EPHA8: variants seen among roughly 807,000 people sequenced by gnomAD.
EPHA8 encodes ephrin type-A receptor 8.
A neutral mutation model predicts 103.6 loss-of-function variants in EPHA8; 58 were observed. The observed-to-expected ratio is 0.56, with a 90% CI of 0.45 to 0.70. The LOEUF (loss-of-function observed/expected upper bound fraction) is 0.70. EPHA8 is among the 30% of genes least tolerant of loss of function. The pLI, the probability that EPHA8 is intolerant of heterozygous loss-of-function variation, is 0.00. For synonymous variants in EPHA8, 559 were observed against 572.5 expected, an observed-to-expected ratio of 0.98 and a Z score of 0.34; for missense variants, 1,304 against 1,395.2, an observed-to-expected ratio of 0.93 and a Z score of 1.04.
intron 1 of EPHA8, among the ~76,000 whole-genome samples, chr1:22,566,829 ACT>A (rs1284494257): frequency 6.6e-6 from 1 of 151,642 alleles, no homozygotes; most frequent in Non-Finnish European, 1.5e-5. Flanking sequence ...TTCAAGGGAC[ACT>A]CTGCGTTCTC....
At chr1:22,577,970 T>TA in intron 3 of EPHA8, among the ~76,000 whole-genome samples, 2 of 100,846 alleles carry the variant, frequency 2.0e-5, no homozygotes, top group Non-Finnish European at 4.0e-5. Flanking sequence ...TGTGTGCATG[T>TA]GCGTATGTGT....
chr1:22,582,736 T>C (rs1308098738), intron 3 of EPHA8, among the ~76,000 whole-genome samples: 1 of 152,036 alleles, frequency 6.6e-6, no homozygotes, highest in Non-Finnish European at 1.5e-5. Flanking sequence ...AGACTGCACT[T>C]CCCAGCACCC....
At chr1:22,595,120 T>A in intron 7 of EPHA8, 110 bp from the exon 8 acceptor site, 1 of 825,028 alleles carries the variant, frequency 1.2e-6, no homozygotes, top group East Asian at 2.8e-5. Flanking sequence ...GGCTCTGGGC[T>A]CCCCACTGGC....
intron 3 of EPHA8, among the ~76,000 whole-genome samples, chr1:22,578,575 ATGTGTGCATGAATGCG>A (rs1353624330): frequency 9.4e-5 from 12 of 128,180 alleles, no homozygotes; most frequent in South Asian, 2.9e-4. Flanking sequence ...TAGTGTCTGC[ATGTGTGCATGAATGCG>A]TGTGTGCATG....
rs1641757360 is a variant in EPHA8, at chr1:22,602,143, G to A, written c.*402G>A. The A allele has an allele frequency of 1.1e-5, 3 of 282,548 alleles. No individual in the cohort carries two copies. Among genetic ancestry groups the A allele is most frequent in the South Asian group, 1.0e-4 (2 of 19,912 alleles). 17.5% of individuals were successfully genotyped at this position (282,548 alleles called of 1,614,324 possible). A position where few individuals can be genotyped will look rare whatever the true frequency, so the allele number is the denominator to read the frequency against. On this transcript the variant is annotated 3_prime_UTR_variant, in exon 17 of 17. Coordinates refer to ENST00000166244, the MANE Select transcript of EPHA8 (RefSeq NM_020526.5). ...AGTGTGTCCACCCCTTCGGGTCTCA[G>A]CATGGACGTGTGCATGTTATGAGCG...
chr1:22,578,551 G>C (rs1209947517), intron 3 of EPHA8, among the ~76,000 whole-genome samples: 1 of 147,338 alleles, frequency 6.8e-6, no homozygotes, highest in Non-Finnish European at 1.5e-5. Flanking sequence ...GTGTGCGTGA[G>C]TGTGCACATT....
chr1:22,587,546 A>G (rs1171972491), intron 4 of EPHA8, among the ~76,000 whole-genome samples: 1 of 152,144 alleles, frequency 6.6e-6, no homozygotes, highest in Non-Finnish European at 1.5e-5. Context: ...CTGCTGATGC[A>G]GCGCCTGGAT....
intron 3 of EPHA8, among the ~76,000 whole-genome samples, chr1:22,578,442 G>A (rs895102957): frequency 7.5e-6 from 1 of 134,210 alleles, no homozygotes; most frequent in Non-Finnish European, 1.5e-5. Context: ...GTACGTGTGT[G>A]CATGTGTGCG....
At position 22,588,937 on chromosome 1, in the gene EPHA8, C is replaced by T. The variant is rs184229539; in HGVS notation, c.1046C>T (p.Ala349Val). Residue 349 changes from alanine to valine, a missense_variant, in exon 5 of 17, where the codon GCC (alanine) becomes GTC (valine). Ala to Val is a moderately conservative substitution (Grantham distance 64). Transcript: ENST00000166244. Reference protein sequence around the residue: ...VNGTSVTLEWAPPLDPGGRSD... With the variant: ...VNGTSVTLEWVPPLDPGGRSD... ...GGGACATCAGTGACTCTGGAGTGGG[C>T]CCCTCCCCTGGACCCAGGTGGCCGC... is the stretch of plus-strand genomic sequence containing the variant. 16 of 1,611,274 alleles carry T rather than the reference C, an allele frequency of 9.9e-6. No individual in the cohort carries two copies. The Admixed American group carries it at 2.7e-4, about 27-fold the overall frequency.
chr1:22,577,838 G>C (rs554592317), intron 3 of EPHA8, among the ~76,000 whole-genome samples: 3 of 115,872 alleles, frequency 2.6e-5, no homozygotes, highest in Admixed American at 2.4e-4. Flanking sequence ...GTGCGTGTGT[G>C]CATGTATGTG....
In EPHA8 at chr1:22,598,049, A is replaced by T. The variant is rs558557538; in HGVS notation, c.2117-102A>T. 2.1e-6 allele frequency: 3 copies of T among 1,454,606 alleles called. No homozygotes were observed. The highest frequency in any genetic ancestry group is 2.9e-6 in the Non-Finnish European group (3 of 1,043,354). 90.1% of individuals were successfully genotyped at this position (1,454,606 alleles called of 1,614,324 possible). A position where few individuals can be genotyped will look rare whatever the true frequency, so the allele number is the denominator to read the frequency against. On this transcript the variant is annotated intron_variant, in intron 11 of 16. Coordinates refer to ENST00000166244, the MANE Select transcript of EPHA8 (RefSeq NM_020526.5). This position sits in a 1 kb window ranked among gnomAD's most constrained non-coding sequence, Gnocchi z 5.1. The stretch of plus-strand genomic sequence containing the variant: ...AAACCCAAGGCACCCTGGGGTTTCC[A>T]GTGCTGGCACAGGTCCTGAGATGGT...
chr1:22,589,211 G>A lies in EPHA8; in HGVS notation c.1315+5G>A. 1.2e-6 allele frequency: 2 copies of A among 1,613,938 alleles called. No individual in the cohort carries two copies. Among genetic ancestry groups the A allele is most frequent in the East Asian group, 2.2e-5 (1 of 44,884 alleles). ...ACATCACCACGAACCAGGCAGGTAG[G>A]CGGAGAAACTCCGTCCCGCAGCGTC... is the stretch of plus-strand genomic sequence containing the variant. On this transcript the variant is annotated splice_donor_5th_base_variant and intron_variant, in intron 5 of 16. Transcript: ENST00000166244. This position sits in a 1 kb window ranked among gnomAD's most constrained non-coding sequence, Gnocchi z 4.3.
rs1640449559 is a variant in EPHA8, at chr1:22,569,021, A to G, written c.95-268A>G. Among the ~76,000 whole-genome samples the G allele has an allele frequency of 6.6e-6, 1 of 152,178 alleles. No homozygotes were observed. Among genetic ancestry groups the G allele is most frequent in the South Asian group, 2.1e-4 (1 of 4,834 alleles). ...TATCCCACTGTGCCACCAACCAAGG[A>G]TGTCTGGCACTTGGAACAGCTTGTG... On this transcript the variant is annotated intron_variant, in intron 1 of 16. Transcript: ENST00000166244. The surrounding 1 kb of genome is among the most constrained non-coding windows in gnomAD (Gnocchi z 4.5).
intron 2 of EPHA8, among the ~76,000 whole-genome samples, chr1:22,570,090 C>A (rs950187152): frequency 4.6e-5 from 7 of 152,196 alleles, no homozygotes; most frequent in Admixed American, 2.0e-4. Context: ...AGGGTGAGAG[C>A]AGATGACACA....
chr1:22,578,933 A>G (rs1266286006), intron 3 of EPHA8, among the ~76,000 whole-genome samples: 2 of 146,190 alleles, frequency 1.4e-5, no homozygotes, highest in African/African-American at 5.2e-5. Flanking sequence ...TTATGTGTGC[A>G]TGTGTGTATG....
At chr1:22,599,568 AGAAAG>A (rs1244416502) in intron 13 of EPHA8, among the ~76,000 whole-genome samples, 1 of 149,340 alleles carries the variant, frequency 6.7e-6, no homozygotes, top group Non-Finnish European at 1.5e-5. Context: ...TGACAACAAA[AGAAAG>A]AAGGAAGGAA....
intron 4 of EPHA8, among the ~76,000 whole-genome samples, chr1:22,587,482 G>A (rs1259566020): frequency 1.3e-5 from 2 of 152,190 alleles, no homozygotes; most frequent in African/African-American, 2.4e-5. Context: ...TGGACCTGAA[G>A]GTATGGGGGG....
chr1:22,598,757 C>CCTACAGAT lies in EPHA8; in HGVS notation c.2179-80_2179-73dup. ...AAGCACCGTCTCAACTCGAGAGCAT[C>CCTACAGAT]CTACAGATGGGAGGTGTTCCTGTTC... is the stretch of plus-strand genomic sequence containing the variant. On this transcript the variant is annotated intron_variant, in intron 12 of 16. Transcript: ENST00000166244. The surrounding 1 kb of genome is among the most constrained non-coding windows in gnomAD (Gnocchi z 5.1). The CCTACAGAT allele has an allele frequency of 1.4e-6, 2 of 1,429,170 alleles. No homozygotes were observed. Among genetic ancestry groups the CCTACAGAT allele is most frequent in the South Asian group, 1.2e-5 (1 of 81,214 alleles). 88.5% of individuals were successfully genotyped at this position (1,429,170 alleles called of 1,614,324 possible). A position where few individuals can be genotyped will look rare whatever the true frequency, so the allele number is the denominator to read the frequency against.
intron 3 of EPHA8, among the ~76,000 whole-genome samples, chr1:22,578,524 TGTGCATATGC>T (rs1395606711): frequency 9.5e-5 from 13 of 136,934 alleles, no homozygotes; most frequent in Non-Finnish European, 1.9e-4. Context: ...ATTATGCATG[TGTGCATATGC>T]GTGCATGTGT....
Sources: allele counts gnomAD v4.1 joint callset (sites outside exome capture counted in the v4.1 genomes callset), GRCh38; gene constraint gnomAD v4.1.1; non-coding constraint Gnocchi (gnomAD v3.1); transcripts MANE v1.5; gene names NCBI Gene and HGNC (gene_info 2026-07-23, HGNC 2026-07-21).